Variants in STPG2 observed in about 807,000 individuals in gnomAD.
STPG2 encodes the protein sperm tail PG-rich repeat containing 2, also known as sperm-tail PG-rich repeat-containing protein 2.
A neutral mutation model predicts 54.2 loss-of-function variants in STPG2; 56 were observed. The ratio of observed to expected loss-of-function variants is 1.03; its 90% CI spans 0.83 to 1.29. STPG2 has a LOEUF of 1.29. Ranked by LOEUF, STPG2 falls within the 50% of genes most tolerant of loss-of-function variation. STPG2 has a pLI of 0.00. For missense variants in STPG2, 596 were observed against 544.9 expected, an observed-to-expected ratio of 1.09 and a Z score of -0.93; for synonymous variants, 200 against 181.8, an observed-to-expected ratio of 1.10 and a Z score of -0.81.
intron 9 of STPG2, among the ~76,000 whole-genome samples, chr4:97,783,977 T>C (rs1726740433): frequency 6.8e-6 from 1 of 146,306 alleles, no homozygotes; most frequent in Admixed American, 6.8e-5. Context: ...AAATGACGAG[T>C]TAATGGGGGC....
At chr4:97,558,826 T>G (rs938618391), downstream of STPG2, 14 of 469,700 alleles carry the variant, frequency 3.0e-5, no homozygotes, top group Non-Finnish European at 4.9e-5. Context: ...TGGGGTTAAC[T>G]GTTAAGCAAT....
chr4:97,909,826 C>T (rs6814180), intron 8 of STPG2, among the ~76,000 whole-genome samples: 11 of 151,794 alleles, frequency 7.2e-5, no homozygotes, highest in Admixed American at 2.6e-4. Flanking sequence ...AATTACTAAG[C>T]ATATTATACA....
intron 5 of STPG2, among the ~76,000 whole-genome samples, chr4:98,066,566 GCA>G (rs1371143632): frequency 1.3e-5 from 2 of 151,472 alleles, no homozygotes; most frequent in African/African-American, 4.9e-5. Context: ...TCCAGCCTGG[GCA>G]ACAGACAGAG....
intron 5 of STPG2, among the ~76,000 whole-genome samples, chr4:98,023,236 G>A (rs1400336292): frequency 6.6e-6 from 1 of 152,328 alleles, no homozygotes; most frequent in Admixed American, 6.5e-5. Context: ...CCTTCTAACA[G>A]ACAGGACCCT....
intron 5 of STPG2, among the ~76,000 whole-genome samples, chr4:98,017,396 G>C (rs1383956337): frequency 6.6e-6 from 1 of 152,128 alleles, no homozygotes; most frequent in African/African-American, 2.4e-5. Context: ...AGGTTTGTTG[G>C]GTACATCCTG....
chr4:97,776,761 AT>A (rs1726390511), intron 9 of STPG2, among the ~76,000 whole-genome samples: 2 of 152,330 alleles, frequency 1.3e-5, no homozygotes, highest in South Asian at 4.1e-4. Flanking sequence ...CTTTAATAAA[AT>A]TGAATAGATA....
intron 4 of STPG2, among the ~76,000 whole-genome samples, chr4:97,545,093 A>G (rs1731805852): frequency 6.6e-6 from 1 of 152,104 alleles, no homozygotes; most frequent in South Asian, 2.1e-4. Flanking sequence ...TATCTAAAAA[A>G]CACCCAAGTG....
chr4:97,685,062 A>T (rs1723147570), intron 10 of STPG2, among the ~76,000 whole-genome samples: 1 of 152,034 alleles, frequency 6.6e-6, no homozygotes, highest in Non-Finnish European at 1.5e-5. Context: ...AATCCAAGAC[A>T]CTGATAATAA....
At chr4:97,957,425 G>A (rs1029591524) in intron 7 of STPG2, among the ~76,000 whole-genome samples, 7 of 151,864 alleles carry the variant, frequency 4.6e-5, no homozygotes, top group East Asian at 3.9e-4. Flanking sequence ...AGAAGTCTAG[G>A]ATTATGTTAA....
rs113902823 is a variant in STPG2 at position 98,141,601 on chromosome 4, A to C, written c.109+1441T>G. Among the ~76,000 whole-genome samples the C allele has an allele frequency of 5.9e-3, 899 of 152,274 alleles. 6 individuals are homozygous for C. The highest frequency in any genetic ancestry group is 0.02 in the Middle Eastern group (6 of 294). On this transcript the variant is annotated intron_variant, in intron 1 of 10. Coordinates refer to ENST00000295268, the MANE Select transcript of STPG2 (RefSeq NM_174952.3). The stretch of plus-strand genomic sequence containing the variant: ...CACTTTGAGTTGTCCCGCCTTTCTG[A>C]ACAAAGCCAATGTATTTATTAAGTG...
intron 9 of STPG2, among the ~76,000 whole-genome samples, chr4:97,724,134 C>T (rs79895590): frequency 0.056 from 8,461 of 152,126 alleles, 330 homozygotes; most frequent in South Asian, 0.16. Flanking sequence ...GTGACAAAAC[C>T]GCAAAGTTTT....
intron 8 of STPG2, among the ~76,000 whole-genome samples, chr4:97,879,663 G>T (rs537857358): frequency 6.6e-6 from 1 of 152,244 alleles, no homozygotes; most frequent in East Asian, 1.9e-4. Flanking sequence ...ATAAGATTTG[G>T]TTGTGGACAC....
chr4:98,125,126 T>C (rs1739793546), intron 3 of STPG2, among the ~76,000 whole-genome samples: 1 of 152,204 alleles, frequency 6.6e-6, no homozygotes, highest in Non-Finnish European at 1.5e-5. Flanking sequence ...ACATGCTCCT[T>C]TCGTTCAGTG....
chr4:97,451,400 A>T (rs1481254099), intron 4 of STPG2, among the ~76,000 whole-genome samples: 1 of 151,904 alleles, frequency 6.6e-6, no homozygotes. Flanking sequence ...AGGAGGGGAG[A>T]AGAGAGGAGA....
chr4:97,812,967 A>G (rs1285963667), intron 9 of STPG2, among the ~76,000 whole-genome samples: 2 of 152,158 alleles, frequency 1.3e-5, no homozygotes, highest in African/African-American at 4.8e-5. Context: ...AAATGGCAAT[A>G]CCAGTTGCTG....
At chr4:97,812,998 A>T (rs1727790168) in intron 9 of STPG2, among the ~76,000 whole-genome samples, 1 of 152,170 alleles carries the variant, frequency 6.6e-6, no homozygotes, top group Admixed American at 6.6e-5. Context: ...TCTTGGAGTC[A>T]TCTTTCCCTC....
chr4:97,963,845 G>C (rs1733991212), intron 7 of STPG2, among the ~76,000 whole-genome samples: 2 of 151,766 alleles, frequency 1.3e-5, no homozygotes, highest in South Asian at 4.1e-4. Context: ...TAGAAATCTA[G>C]CAATCTAAAA....
At chr4:97,671,831 A>G (rs1485311026) in intron 10 of STPG2, among the ~76,000 whole-genome samples, 1 of 152,196 alleles carries the variant, frequency 6.6e-6, no homozygotes, top group Non-Finnish European at 1.5e-5. Context: ...AACCTAGACC[A>G]GTGGCCTCAC....
chr4:98,005,371 A>C (rs1560631699), intron 5 of STPG2, among the ~76,000 whole-genome samples: 1 of 152,192 alleles, frequency 6.6e-6, no homozygotes. Flanking sequence ...ACTTAGTATT[A>C]ATCATCACAT....
Sources: gnomAD v4.1 joint callset for allele counts (sites outside exome capture counted in the v4.1 genomes callset) on GRCh38, gnomAD v4.1.1 for gene constraint, MANE v1.5 for transcripts, NCBI Gene and HGNC (gene_info 2026-07-23, HGNC 2026-07-21) for gene names.